NAV3: variants seen among roughly 807,000 people sequenced by gnomAD.
NAV3 encodes the protein neuron navigator 3, also known as pore membrane and/or filament interacting like protein 1.
In NAV3, 87 loss-of-function variants were observed where a neutral mutation model predicts 244.7. The observed-to-expected ratio is 0.36, with a 90% CI of 0.30 to 0.42. The LOEUF is 0.42. Among genes scored for constraint, NAV3 ranks in the 20% least tolerant of loss-of-function variants. The pLI is 1.00. For synonymous variants in NAV3, 1,126 were observed against 1,042.2 expected, an observed-to-expected ratio of 1.08 and a Z score of -1.55; for missense variants, 2,663 against 2,893.3, an observed-to-expected ratio of 0.92 and a Z score of 1.83.
intron 10 of NAV3, among the ~76,000 whole-genome samples, chr12:78,050,524 A>G (rs74982716): frequency 0.033 from 5,087 of 152,286 alleles, 295 homozygotes; most frequent in African/African-American, 0.11. Context: ...AAAATGTAAA[A>G]CAATATGTTG....
chr12:78,068,398 TATAA>T (rs1339128776), intron 12 of NAV3, among the ~76,000 whole-genome samples: 1 of 151,056 alleles, frequency 6.6e-6, no homozygotes, highest in African/African-American at 2.4e-5. Flanking sequence ...ATATCTATAC[TATAA>T]ATAGTTTTTT....
chr12:78,177,909 T>G (rs968004095), intron 28 of NAV3, among the ~76,000 whole-genome samples: 4 of 128,408 alleles, frequency 3.1e-5, no homozygotes, highest in African/African-American at 1.0e-4. Flanking sequence ...GCCCACTTTT[T>G]GGTAGTACAG....
intron 1 of NAV3, among the ~76,000 whole-genome samples, chr12:77,912,511 C>T (rs1242288): frequency 0.11 from 16,800 of 152,158 alleles, 1,067 homozygotes; most frequent in South Asian, 0.2. Context: ...AACATCAAGA[C>T]AGTGATCTAC....
intron 2 of NAV3, chr12:77,572,416 G>C (rs773896890): frequency 3.3e-5 from 5 of 152,176 alleles, no homozygotes; most frequent in Non-Finnish European, 5.9e-5. Flanking sequence ...TGTGGGTCTG[G>C]ATTTCATTAC....
chr12:77,769,486 C>T (rs1869960540), intron 2 of NAV3, among the ~76,000 whole-genome samples: 1 of 152,110 alleles, frequency 6.6e-6, no homozygotes, highest in Admixed American at 6.6e-5. Context: ...AAAGTTGGCC[C>T]AATAAATACT....
chr12:77,667,082 G>T (rs1434445864), intron 2 of NAV3, among the ~76,000 whole-genome samples: 1 of 152,148 alleles, frequency 6.6e-6, no homozygotes, highest in Non-Finnish European at 1.5e-5. Context: ...AGAACGTAAA[G>T]TCTGAATGCA....
chr12:77,746,469 A>G (rs1274305649), intron 2 of NAV3, among the ~76,000 whole-genome samples: 1 of 152,118 alleles, frequency 6.6e-6, no homozygotes, highest in Non-Finnish European at 1.5e-5. Context: ...CAATCTACCT[A>G]CAAGTACATC....
chr12:77,760,826 C>T (rs5019250), intron 2 of NAV3, among the ~76,000 whole-genome samples: 78,975 of 151,902 alleles, frequency 0.52, 21,476 homozygotes, highest in African/African-American at 0.69. Flanking sequence ...CAGGCAATTA[C>T]GAGTACTAGG....
chr12:77,823,025 C>T (rs1383469330), intron 2 of NAV3, among the ~76,000 whole-genome samples: 1 of 152,108 alleles, frequency 6.6e-6, no homozygotes, highest in Non-Finnish European at 1.5e-5. Flanking sequence ...ATTATTCAGC[C>T]ACTGGACAAT....
intron 2 of NAV3, among the ~76,000 whole-genome samples, chr12:77,726,497 A>T (rs192976349): frequency 2.3e-3 from 355 of 152,072 alleles, no homozygotes; most frequent in Non-Finnish European, 3.0e-3. Flanking sequence ...GTAAGGGATT[A>T]GTCAGAGTAT....
At chr12:78,206,499 A>G (rs1336216398) in intron 39 of NAV3, among the ~76,000 whole-genome samples, 1 of 152,108 alleles carries the variant, frequency 6.6e-6, no homozygotes, top group Non-Finnish European at 1.5e-5. Flanking sequence ...GGTGTTTATA[A>G]GATTTGTTCT....
At chr12:77,923,254 C>G (rs561915561) in intron 1 of NAV3, among the ~76,000 whole-genome samples, 3 of 152,030 alleles carry the variant, frequency 2.0e-5, no homozygotes, top group Admixed American at 6.5e-5. Flanking sequence ...CATTTTCTAT[C>G]GCTCCAGTAT....
At chr12:77,577,806 A>C (rs543886354) in intron 2 of NAV3, among the ~76,000 whole-genome samples, 1 of 152,272 alleles carries the variant, frequency 6.6e-6, no homozygotes, top group South Asian at 2.1e-4. Flanking sequence ...TGATACTAAC[A>C]TGTGAGTTCT....
At chr12:78,197,113 C>T (rs894046749) in intron 34 of NAV3, 134 bp from the exon 35 acceptor site, 8 of 574,066 alleles carry the variant, frequency 1.4e-5, no homozygotes, top group African/African-American at 7.8e-5. Context: ...AAAGATTTTA[C>T]ATCAGTTGAA....
intron 2 of NAV3, among the ~76,000 whole-genome samples, chr12:77,620,349 T>C (rs1871319885): frequency 6.6e-6 from 1 of 152,250 alleles, no homozygotes; most frequent in South Asian, 2.1e-4. Flanking sequence ...ATGACGATGC[T>C]GGACATAGTT....
At chr12:78,014,687 T>A (rs1875878901) in intron 8 of NAV3, among the ~76,000 whole-genome samples, 1 of 152,136 alleles carries the variant, frequency 6.6e-6, no homozygotes, top group Non-Finnish European at 1.5e-5. Context: ...AAATGCTTAC[T>A]CACAAGGTTT....
chr12:78,167,619 T>C (rs547418692), intron 23 of NAV3, among the ~76,000 whole-genome samples: 1 of 151,544 alleles, frequency 6.6e-6, no homozygotes, highest in Non-Finnish European at 1.5e-5. Flanking sequence ...TTTTAAAATA[T>C]ATATTCTGGG....
chr12:78,207,974 A>C (rs1480513199), intron 39 of NAV3, among the ~76,000 whole-genome samples: 4 of 152,210 alleles, frequency 2.6e-5, no homozygotes, highest in Non-Finnish European at 5.9e-5. Context: ...AGGTGTTAGA[A>C]ATGATAAACA....
intron 9 of NAV3, among the ~76,000 whole-genome samples, chr12:78,039,922 G>A (rs796902903): frequency 5.3e-5 from 8 of 152,162 alleles, no homozygotes; most frequent in African/African-American, 1.9e-4. Flanking sequence ...GCCTCTTTCA[G>A]GAATAATGGT....
Sources: gnomAD v4.1 joint callset for allele counts (sites outside exome capture counted in the v4.1 genomes callset) on GRCh38, gnomAD v4.1.1 for gene constraint, MANE v1.5 for transcripts, NCBI Gene and HGNC (gene_info 2026-07-23, HGNC 2026-07-21) for gene names.